GABBR1: variants seen among roughly 807,000 people sequenced by gnomAD.
GABBR1 encodes GABA-B receptor, R1 subunit.
In GABBR1, 35 loss-of-function variants were observed where a neutral mutation model predicts 117.7. The observed-to-expected ratio is 0.30, with a 90% confidence interval of 0.23 to 0.39. GABBR1 has a LOEUF of 0.39. GABBR1 is among the 10% of genes least tolerant of loss of function. The pLI, the probability that GABBR1 is intolerant of heterozygous loss-of-function variation, is 1.00. For missense variants in GABBR1, 709 were observed against 1,241.8 expected, an observed-to-expected ratio of 0.57 and a Z score of 6.45; for synonymous variants, 442 against 486.6, an observed-to-expected ratio of 0.91 and a Z score of 1.21.
chr6:29,628,210 C>T, intron 5 of GABBR1: 1 of 946,616 alleles, frequency 1.1e-6, no homozygotes, highest in Non-Finnish European at 1.3e-6. Flanking sequence ...GGGATGCAAC[C>T]TCGAGGAGGA....
chr6:29,622,116 G>A lies in GABBR1; in HGVS notation c.1053C>T (p.Val351=). ...CCAGCCATCTGACCTTCAGGTTTTT[G>A]ACGGGCACAGCTGGATCTGAGAAGA... ...QSFFSDPAVP[V]KNLKRQDARI... Residue 351 remains valine, a synonymous_variant, in exon 9 of 23, where the codon GTC becomes GTT. Transcript: ENST00000377034. This position sits in a 1 kb window ranked among gnomAD's most constrained non-coding sequence, Gnocchi z 4.6. The A allele has an allele frequency of 1.2e-6, 2 of 1,613,878 alleles. No homozygotes were observed. Among genetic ancestry groups the A allele is most frequent in the Non-Finnish European group, 1.7e-6 (2 of 1,179,824 alleles).
chr6:29,616,548 G>A (rs1763129490), intron 11 of GABBR1, among the ~76,000 whole-genome samples: 1 of 151,072 alleles, frequency 6.6e-6, no homozygotes, highest in Non-Finnish European at 1.5e-5. Context: ...ATCTGGGCAT[G>A]GTGGCACGCA....
Position 29,606,354 on chromosome 6 carries a change from G to A in GABBR1, c.2311+37C>T. Reference sequence around the variant, plus strand: ...TACCCCTGCCTTCCCTCCTGCCTTTGTGCATCCCTGCCCTCCTTTGCCCAC... The same window carrying A: ...TACCCCTGCCTTCCCTCCTGCCTTTATGCATCCCTGCCCTCCTTTGCCCAC... On this transcript the variant is annotated intron_variant, in intron 19 of 22. Transcript: ENST00000377034. This position sits in a 1 kb window ranked among gnomAD's most constrained non-coding sequence, Gnocchi z 4.5. The A allele has an allele frequency of 6.8e-7, 1 of 1,470,156 alleles. No individual in the cohort carries two copies. The highest frequency in any genetic ancestry group is 9.5e-7 in the Non-Finnish European group (1 of 1,049,804). The allele number at this position is 1,470,156 out of a possible 1,614,324, so 91.1% of individuals were successfully genotyped here.
At chr6:29,626,473 A>T (rs916794187) in intron 6 of GABBR1, among the ~76,000 whole-genome samples, 1 of 151,504 alleles carries the variant, frequency 6.6e-6, no homozygotes, top group African/African-American at 2.4e-5. Context: ...CCTTCCCTGC[A>T]CCCCCAATTA....
At chr6:29,625,854 A>G (rs1298495778) in intron 6 of GABBR1, among the ~76,000 whole-genome samples, 4 of 151,974 alleles carry the variant, frequency 2.6e-5, no homozygotes, top group Middle Eastern at 3.4e-3. Flanking sequence ...CCCAAAACCA[A>G]TGATCTCTCT....
In GABBR1 at chr6:29,630,719, G is replaced by T; in HGVS notation, c.290-76C>A. The T allele has an allele frequency of 7.6e-7, 1 of 1,314,480 alleles. No homozygotes were observed. The highest frequency in any genetic ancestry group is 1.1e-6 in the Non-Finnish European group (1 of 944,766). 81.4% of individuals were successfully genotyped at this position (1,314,480 alleles called of 1,614,324 possible). On this transcript the variant is annotated intron_variant, in intron 3 of 22. Coordinates refer to ENST00000377034, the MANE Select transcript of GABBR1 (RefSeq NM_001470.4). This position sits in a 1 kb window ranked among gnomAD's most constrained non-coding sequence, Gnocchi z 4.9. ...TCCCTTTAAAGAGCAGGGGACTCAGGTGCAGGTTTGGGTCCACAAGCATCC... is the reference window on the plus strand; with the variant it reads ...TCCCTTTAAAGAGCAGGGGACTCAGTTGCAGGTTTGGGTCCACAAGCATCC...
chr6:29,628,375 G>C (rs1562123732), intron 5 of GABBR1: 1 of 154,040 alleles, frequency 6.5e-6, no homozygotes, highest in African/African-American at 2.4e-5. Context: ...ATGCGAGTGG[G>C]ACGGGAGAGA....
At chr6:29,608,203 A>T (rs1259095675) in intron 16 of GABBR1, among the ~76,000 whole-genome samples, 1 of 151,988 alleles carries the variant, frequency 6.6e-6, no homozygotes, top group Non-Finnish European at 1.5e-5. Flanking sequence ...CTGTGTTTCC[A>T]TCTCTGCTTC....
intron 4 of GABBR1, among the ~76,000 whole-genome samples, chr6:29,629,527 T>TA (rs1764742529): frequency 6.6e-6 from 1 of 152,158 alleles, no homozygotes; most frequent in Non-Finnish European, 1.5e-5. Context: ...CCCTCTATAT[T>TA]ATTAGAGCAC....
At chr6:29,628,104 G>C (rs1395769151) in intron 5 of GABBR1, 7 of 319,828 alleles carry the variant, frequency 2.2e-5, no homozygotes, top group Non-Finnish European at 3.0e-5. Context: ...AGCGGGGGGT[G>C]GGGGGGCGGG....
Position 29,632,164 on chromosome 6 carries a change from C to T in GABBR1, c.85+137G>A. ...AGAAGGAGGTCAGCAGTAGTAAAGT[C>T]GGGCCGAGCAGAAGGGGTTGCCAGA... On this transcript the variant is annotated intron_variant, in intron 2 of 22. Transcript: ENST00000377034. The surrounding 1 kb of genome is among the most constrained non-coding windows in gnomAD (Gnocchi z 5.8). 2 of 519,384 alleles carry T rather than the reference C, an allele frequency of 3.9e-6. No homozygotes were observed. Among genetic ancestry groups the T allele is most frequent in the East Asian group, 6.9e-5 (2 of 28,868 alleles). 32.2% of individuals were successfully genotyped at this position (519,384 alleles called of 1,614,324 possible). A position where few individuals can be genotyped will look rare whatever the true frequency, so the allele number is the denominator to read the frequency against.
At position 29,613,579 on chromosome 6, in the gene GABBR1, A is replaced by G; in HGVS notation, c.1324-94T>C. 1 of 1,435,384 alleles carries G rather than the reference A, an allele frequency of 7.0e-7. No homozygotes were observed. 88.9% of individuals were successfully genotyped at this position (1,435,384 alleles called of 1,614,324 possible). ...ATTCTGACTCAATCACTTCTACTTG[A>G]ATGGATGGTTTGTGTTACTGTTGTC... On this transcript the variant is annotated intron_variant, in intron 11 of 22. Coordinates refer to ENST00000377034, the MANE Select transcript of GABBR1 (RefSeq NM_001470.4). The surrounding 1 kb of genome is among the most constrained non-coding windows in gnomAD (Gnocchi z 4.1).
chr6:29,605,088 G>C lies in GABBR1; in HGVS notation c.2440-100C>G. On this transcript the variant is annotated intron_variant, in intron 20 of 22. Coordinates refer to ENST00000377034, the MANE Select transcript of GABBR1 (RefSeq NM_001470.4). This position sits in a 1 kb window ranked among gnomAD's most constrained non-coding sequence, Gnocchi z 4.2. The stretch of plus-strand genomic sequence containing the variant: ...AGGGAGTCTATGCAGACAGTTTCCT[G>C]GTGAACTTTCCCTTTGAAAAGGATC... The C allele has an allele frequency of 8.0e-7, 1 of 1,256,854 alleles. No homozygotes were observed. Among genetic ancestry groups the C allele is most frequent in the Non-Finnish European group, 1.1e-6 (1 of 924,092 alleles). 77.9% of individuals were successfully genotyped at this position (1,256,854 alleles called of 1,614,324 possible).
intron 13 of GABBR1, among the ~76,000 whole-genome samples, 180 bp downstream of exon 13, chr6:29,612,371 G>A (rs1030029192): frequency 6.6e-6 from 1 of 152,098 alleles, no homozygotes; most frequent in Non-Finnish European, 1.5e-5. Context: ...CAATCTTCTT[G>A]TAGTTAAGCT....
chr6:29,626,721 T>A (rs1042153031), intron 6 of GABBR1, among the ~76,000 whole-genome samples: 1 of 151,424 alleles, frequency 6.6e-6, no homozygotes, highest in Non-Finnish European at 1.5e-5. Context: ...TCCTTGCCCC[T>A]CTCCCCCACT....
chr6:29,630,380 C>T lies in GABBR1; in HGVS notation c.475+78G>A, dbSNP rs56333170. 2.3e-3 allele frequency: 3,025 copies of T among 1,289,036 alleles called. 139 individuals carry two copies. In the East Asian group the frequency reaches 0.058, roughly 25 times the overall value. 79.8% of individuals were successfully genotyped at this position (1,289,036 alleles called of 1,614,324 possible). ...CATTTTTATAGCTCTCCATTCTTTC[C>T]CATTATCCATTCCCACCCCACTCCC... On this transcript the variant is annotated intron_variant, in intron 4 of 22. Transcript: ENST00000377034. This position sits in a 1 kb window ranked among gnomAD's most constrained non-coding sequence, Gnocchi z 4.9.
At chr6:29,624,234 G>A (rs1392996970) in intron 6 of GABBR1, 1 of 505,272 alleles carries the variant, frequency 2.0e-6, no homozygotes. Context: ...TCTTCCATCT[G>A]GAGCCTTACC....
rs1266163037 is a variant in GABBR1 at position 29,605,826 on chromosome 6, G to C, written c.2312-130C>G. 2.6e-6 allele frequency: 3 copies of C among 1,132,154 alleles called. No individual in the cohort carries two copies. In the African/African-American group the frequency reaches 4.6e-5, roughly 17 times the overall value. 70.1% of individuals were successfully genotyped at this position (1,132,154 alleles called of 1,614,324 possible). On this transcript the variant is annotated intron_variant, in intron 19 of 22. Coordinates refer to ENST00000377034, the MANE Select transcript of GABBR1 (RefSeq NM_001470.4). The surrounding 1 kb of genome is among the most constrained non-coding windows in gnomAD (Gnocchi z 4.2). ...CCCTCCTCTCCAATCCAACCCCTCT[G>C]ACCTAGCAAACCTCACCCTGTGTCC...
In GABBR1 at chr6:29,604,399, G is replaced by A; in HGVS notation, c.2712+95C>T. The A allele has an allele frequency of 6.7e-7, 1 of 1,491,482 alleles. No individual in the cohort carries two copies. The highest frequency in any genetic ancestry group is 9.3e-7 in the Non-Finnish European group (1 of 1,074,394). 92.4% of individuals were successfully genotyped at this position (1,491,482 alleles called of 1,614,324 possible). Reference sequence around the variant, plus strand: ...CTCCCTCCATGAGCCAAGAACATCTGACCCTGTATCTCAGGCTTGGCTTCA... The same window carrying A: ...CTCCCTCCATGAGCCAAGAACATCTAACCCTGTATCTCAGGCTTGGCTTCA... On this transcript the variant is annotated intron_variant, in intron 22 of 22. Transcript: ENST00000377034. This position sits in a 1 kb window ranked among gnomAD's most constrained non-coding sequence, Gnocchi z 5.3.
Sources: gnomAD v4.1 joint callset for allele counts (sites outside exome capture counted in the v4.1 genomes callset) on GRCh38, gnomAD v4.1.1 for gene constraint, Gnocchi (gnomAD v3.1) non-coding constraint, MANE v1.5 for transcripts, NCBI Gene and HGNC (gene_info 2026-07-23, HGNC 2026-07-21) for gene names.